Variants in SLC25A51 observed in about 807,000 individuals in gnomAD.
The protein encoded by SLC25A51 is mitochondrial nicotinamide adenine dinucleotide transporter SLC25A51.
Under a neutral mutation model 19.1 loss-of-function variants are expected in SLC25A51, and 11 were observed. The ratio of observed to expected loss-of-function variants is 0.58; its 90% confidence interval spans 0.36 to 0.96. SLC25A51 has a LOEUF of 0.96. SLC25A51 is among the 40% of genes least tolerant of loss of function. SLC25A51 has a pLI of 0.01. For synonymous variants in SLC25A51, 105 were observed against 133.6 expected, an observed-to-expected ratio of 0.79 and a Z score of 1.47; for missense variants, 201 against 365.4, an observed-to-expected ratio of 0.55 and a Z score of 3.67.
downstream of SLC25A51, chr9:37,886,262 T>C: frequency 6.2e-7 from 1 of 1,613,140 alleles, no homozygotes; most frequent in Admixed American, 1.7e-5. Context: ...GATCCGAGAA[T>C]TTAACTTAAA....
intron 2 of SLC25A51, among the ~76,000 whole-genome samples, chr9:37,897,826 A>G (rs1056623875): frequency 1.3e-5 from 2 of 152,146 alleles, no homozygotes; most frequent in African/African-American, 4.8e-5. Context: ...ACACAGGGAA[A>G]CAAATCATCA....
intron 2 of SLC25A51, among the ~76,000 whole-genome samples, chr9:37,889,858 A>T (rs1236426919): frequency 6.6e-6 from 1 of 151,584 alleles, no homozygotes; most frequent in African/African-American, 2.4e-5. Flanking sequence ...TCCCTGAAAA[A>T]ATCCAGATCC....
At chr9:37,897,038 T>C (rs1256295824) in intron 2 of SLC25A51, among the ~76,000 whole-genome samples, 1 of 152,198 alleles carries the variant, frequency 6.6e-6, no homozygotes, top group Admixed American at 6.5e-5. Context: ...ATGACAAGTC[T>C]ATCTTAATTT....
chr9:37,901,228 G>A (rs1278881981), intron 1 of SLC25A51, among the ~76,000 whole-genome samples: 1 of 152,082 alleles, frequency 6.6e-6, no homozygotes, highest in Non-Finnish European at 1.5e-5. Context: ...GGAGTGCAGT[G>A]GCGCAATCTT....
downstream of SLC25A51, among the ~76,000 whole-genome samples, chr9:37,887,099 G>T (rs1401223247): frequency 1.3e-5 from 2 of 152,042 alleles, no homozygotes; most frequent in African/African-American, 4.8e-5. Context: ...GGTGGATCAC[G>T]AGGTCAGGGG....
downstream of SLC25A51, chr9:37,887,484 G>A (rs1483322136): frequency 9.8e-6 from 7 of 711,812 alleles, no homozygotes; most frequent in Middle Eastern, 3.9e-4. Context: ...GTAGGACTTG[G>A]AGGAGAAATC....
At chr9:37,888,663 C>G in intron 2 of SLC25A51, 71 bp from the exon 3 acceptor site, 1 of 1,214,606 alleles carries the variant, frequency 8.2e-7, no homozygotes, top group Non-Finnish European at 1.1e-6. Flanking sequence ...TCTCCCTAAT[C>G]CATCCTCTAA....
At chr9:37,893,005 G>T (rs1035501710) in intron 2 of SLC25A51, among the ~76,000 whole-genome samples, 9 of 152,038 alleles carry the variant, frequency 5.9e-5, no homozygotes. Context: ...CTCCCAAAGT[G>T]CTAGGATTAC....
At chr9:37,883,397 TA>T (rs2118294098), downstream of SLC25A51, among the ~76,000 whole-genome samples, 1 of 152,366 alleles carries the variant, frequency 6.6e-6, no homozygotes, top group African/African-American at 2.4e-5. Context: ...TTAAAACCAT[TA>T]AAAATATTTA....
downstream of SLC25A51, chr9:37,878,874 TC>T: frequency 5.9e-6 from 1 of 169,186 alleles, no homozygotes; most frequent in Non-Finnish European, 1.3e-5. Context: ...TGCCTTAGCC[TC>T]CCAAAGTGCT....
At chr9:37,894,702 G>T (rs1310874521) in intron 2 of SLC25A51, among the ~76,000 whole-genome samples, 2 of 152,114 alleles carry the variant, frequency 1.3e-5, no homozygotes, top group Non-Finnish European at 2.9e-5. Flanking sequence ...TTGTTGTACA[G>T]ATTATTTCGC....
chr9:37,886,511 C>A (rs1325181456), downstream of SLC25A51: 3 of 1,133,490 alleles, frequency 2.6e-6, no homozygotes, highest in East Asian at 2.6e-5. Context: ...TGGGGCAGTG[C>A]GCAGCTTCTG....
chr9:37,882,523 T>C (rs143572485), intron 2 of SLC25A51, among the ~76,000 whole-genome samples: 2 of 152,370 alleles, frequency 1.3e-5, no homozygotes, highest in Non-Finnish European at 2.9e-5. Context: ...ACAATATAGC[T>C]GGTGATTACA....
At chr9:37,882,841 G>A (rs57294426), downstream of SLC25A51, among the ~76,000 whole-genome samples, 3,886 of 152,108 alleles carry the variant, frequency 0.026, 172 homozygotes, top group African/African-American at 0.089. Context: ...AATCACATTT[G>A]CCTTTTCAAT....
downstream of SLC25A51, chr9:37,879,047 T>C (rs1831304149): frequency 6.0e-6 from 2 of 331,942 alleles, no homozygotes; most frequent in South Asian, 5.8e-5. Flanking sequence ...ATAGTATTGA[T>C]GGGTTCTACT....
At chr9:37,889,557 C>A (rs1030985860) in intron 2 of SLC25A51, among the ~76,000 whole-genome samples, 2 of 151,874 alleles carry the variant, frequency 1.3e-5, no homozygotes, top group Non-Finnish European at 2.9e-5. Context: ...AATTATTTTT[C>A]CAGTTTTACA....
At chr9:37,897,685 T>C (rs565151462) in intron 2 of SLC25A51, among the ~76,000 whole-genome samples, 4 of 151,484 alleles carry the variant, frequency 2.6e-5, no homozygotes, top group Admixed American at 2.0e-4. Flanking sequence ...TATATAATTA[T>C]AGTTCTTATA....
At chr9:37,902,351 A>C (rs1177636090) in intron 1 of SLC25A51, among the ~76,000 whole-genome samples, 1 of 152,226 alleles carries the variant, frequency 6.6e-6, no homozygotes, top group Non-Finnish European at 1.5e-5. Context: ...TGACCACCAT[A>C]TCCAACTATT....
intron 1 of SLC25A51, among the ~76,000 whole-genome samples, chr9:37,901,495 C>A (rs1831847835): frequency 6.6e-6 from 1 of 152,172 alleles, no homozygotes; most frequent in African/African-American, 2.4e-5. Flanking sequence ...TTAAGTGAGA[C>A]AACTATTTTT....
Sources: gnomAD v4.1 joint callset for allele counts (sites outside exome capture counted in the v4.1 genomes callset) on GRCh38, gnomAD v4.1.1 for gene constraint, MANE v1.5 for transcripts, NCBI Gene and HGNC (gene_info 2026-07-23, HGNC 2026-07-21) for gene names.